Variants in TOGARAM2 observed in about 807,000 individuals in gnomAD.
TOGARAM2 encodes the protein TOG array regulator of axonemal microtubules 2.
TOGARAM2 carries 85 observed loss-of-function variants against 93.3 expected under a neutral mutation model. The observed-to-expected ratio is 0.91, with a 90% confidence interval of 0.76 to 1.09. TOGARAM2 has a LOEUF of 1.09. TOGARAM2 is among the 50% of genes least tolerant of loss of function. The pLI is 0.00. For synonymous variants in TOGARAM2, 593 were observed against 552.8 expected, an observed-to-expected ratio of 1.07 and a Z score of -1.02; for missense variants, 1,277 against 1,334.5, an observed-to-expected ratio of 0.96 and a Z score of 0.67.
chr2:29,006,683 T>C (rs1406222773), intron 6 of TOGARAM2, among the ~76,000 whole-genome samples: 1 of 152,146 alleles, frequency 6.6e-6, no homozygotes, highest in Non-Finnish European at 1.5e-5. Flanking sequence ...TATTCATGTC[T>C]TTCTCCGACC....
At chr2:29,048,025 C>CGAGA (rs1017843170) in intron 19 of TOGARAM2, 1 of 152,282 alleles carries the variant, frequency 6.6e-6, no homozygotes, top group African/African-American at 2.4e-5. Flanking sequence ...AAGACATATC[C>CGAGA]GAGACTGGGT....
chr2:29,040,371 C>A (rs12465721), intron 18 of TOGARAM2, among the ~76,000 whole-genome samples: 13,758 of 152,202 alleles, frequency 0.09, 701 homozygotes, highest in East Asian at 0.14. Flanking sequence ...GAAAAAAATC[C>A]CTCACTCATA....
At chr2:29,024,032 G>A in intron 12 of TOGARAM2, 107 bp from the exon 13 acceptor site, 2 of 946,108 alleles carry the variant, frequency 2.1e-6, no homozygotes, top group South Asian at 3.3e-5. Flanking sequence ...CTAGGTCAGG[G>A]GAAGGGTGGG....
chr2:29,041,070 G>A (rs1042644423), intron 18 of TOGARAM2, among the ~76,000 whole-genome samples: 10 of 148,788 alleles, frequency 6.7e-5, no homozygotes, highest in Admixed American at 5.4e-4. Flanking sequence ...TGTCACCCAG[G>A]CTGGAGTGCA....
At chr2:29,051,711 GGA>G in intron 19 of TOGARAM2, 43 bp from the exon 20 acceptor site, 1 of 1,425,448 alleles carries the variant, frequency 7.0e-7, no homozygotes, top group Non-Finnish European at 9.3e-7. Context: ...AGTGGGAGAG[GGA>G]GAGAGTGCCT....
At chr2:28,965,066 C>A (rs1671849970) in intron 1 of TOGARAM2, among the ~76,000 whole-genome samples, 1 of 152,188 alleles carries the variant, frequency 6.6e-6, no homozygotes, top group Admixed American at 6.5e-5. Flanking sequence ...AATCCCCACA[C>A]CCTCTTCCAC....
At chr2:29,020,130 C>T (rs139411983) in intron 10 of TOGARAM2, among the ~76,000 whole-genome samples, 72 of 152,298 alleles carry the variant, frequency 4.7e-4, no homozygotes, top group African/African-American at 1.3e-3. Flanking sequence ...TAAGCTGATC[C>T]CGACTGGCTA....
intron 11 of TOGARAM2, 148 bp from the exon 12 acceptor site, chr2:29,022,938 G>T: frequency 1.5e-6 from 1 of 647,390 alleles, no homozygotes; most frequent in Non-Finnish European, 2.7e-6. Flanking sequence ...TGTTACCCCG[G>T]GAAACCCTGC....
At chr2:29,001,396 G>A (rs934160485) in intron 4 of TOGARAM2, among the ~76,000 whole-genome samples, 6 of 151,704 alleles carry the variant, frequency 4.0e-5, no homozygotes, top group Admixed American at 2.6e-4. Context: ...AGGCTGGAGT[G>A]CAGTGGTGCG....
intron 2 of TOGARAM2, among the ~76,000 whole-genome samples, chr2:28,995,593 T>A (rs758066924): frequency 5.9e-5 from 9 of 152,254 alleles, no homozygotes; most frequent in Non-Finnish European, 1.3e-4. Flanking sequence ...TGAATGTAGA[T>A]TCCAGTGGAG....
chr2:28,984,404 C>A (rs540705847), intron 1 of TOGARAM2, among the ~76,000 whole-genome samples: 1 of 152,192 alleles, frequency 6.6e-6, no homozygotes, highest in Non-Finnish European at 1.5e-5. Flanking sequence ...GTCTTCTGAG[C>A]TTCTTGCAGG....
chr2:28,984,201 C>G (rs1672361467), intron 1 of TOGARAM2, among the ~76,000 whole-genome samples: 1 of 152,096 alleles, frequency 6.6e-6, no homozygotes, highest in Non-Finnish European at 1.5e-5. Flanking sequence ...CAACTCACAT[C>G]CCTTCCTGGG....
At chr2:29,028,652 G>A (rs1455014850) in intron 14 of TOGARAM2, among the ~76,000 whole-genome samples, 1 of 152,112 alleles carries the variant, frequency 6.6e-6, no homozygotes, top group Non-Finnish European at 1.5e-5. Flanking sequence ...GGCTGCCGCA[G>A]GACTGGTAGT....
intron 1 of TOGARAM2, among the ~76,000 whole-genome samples, chr2:28,973,875 C>G (rs1467937929): frequency 6.6e-6 from 1 of 152,024 alleles, no homozygotes; most frequent in Non-Finnish European, 1.5e-5. Flanking sequence ...GACAAATTCT[C>G]TTAGTTTTCT....
rs1291009460 is a variant in TOGARAM2 at position 29,035,599 on chromosome 2, G to A, written c.2361G>A (p.Gly787=). Residue 787 remains glycine (G), a synonymous_variant, in exon 17 of 20, where the codon GGG becomes GGA. Transcript: ENST00000379558. ...TCCGGTCCCGGATGGAAGGCGTGGG[G>A]CAGCTCCTGGAGCTCTGCAAGGCCA... ...KDFRSRMEGV[G]QLLELCKAKT... 3 of 1,584,346 alleles carry A rather than the reference G, an allele frequency of 1.9e-6. No individual in the cohort carries two copies. Among genetic ancestry groups the A allele is most frequent in the African/African-American group, 1.3e-5 (1 of 74,482 alleles).
chr2:28,959,442 A>C (rs772329374), intron 1 of TOGARAM2, among the ~76,000 whole-genome samples: 2 of 152,154 alleles, frequency 1.3e-5, no homozygotes, highest in Non-Finnish European at 2.9e-5. Flanking sequence ...GAAAATTTCA[A>C]ATATACAGAA....
chr2:29,014,985 C>T (rs1411830399), intron 8 of TOGARAM2, among the ~76,000 whole-genome samples: 1 of 152,152 alleles, frequency 6.6e-6, no homozygotes, highest in African/African-American at 2.4e-5. Context: ...TGATCAGCCA[C>T]GGGCTGTGCT....
chr2:29,049,486 G>C (rs949056561), intron 19 of TOGARAM2: 45 of 152,208 alleles, frequency 3.0e-4, no homozygotes, highest in African/African-American at 1.0e-3. Flanking sequence ...AGGGATTCAG[G>C]ATACTTTTGA....
chr2:28,978,284 C>T (rs1672066275), upstream of TOGARAM2, among the ~76,000 whole-genome samples: 1 of 151,644 alleles, frequency 6.6e-6, no homozygotes, highest in African/African-American at 2.4e-5. Context: ...GAACAAAGGC[C>T]AGGAGAGGAG....
Sources: gnomAD v4.1 joint callset for allele counts (sites outside exome capture counted in the v4.1 genomes callset) on GRCh38, gnomAD v4.1.1 for gene constraint, MANE v1.5 for transcripts, NCBI Gene and HGNC (gene_info 2026-07-23, HGNC 2026-07-21) for gene names.